LRP6: variants seen among roughly 807,000 people sequenced by gnomAD.
LRP6 encodes the protein LDL receptor related protein 6.
In LRP6, 43 loss-of-function variants were observed where a neutral mutation model predicts 184.1. That is an observed-to-expected ratio of 0.23 (90% CI 0.18 to 0.30). The LOEUF is 0.30. LRP6 is among the 10% of genes least tolerant of loss of function. The probability of loss-of-function intolerance (pLI) is 1.00; values close to 1 mark genes in which losing one functional copy is unlikely to be tolerated. For missense variants in LRP6, 1,571 were observed against 2,005.3 expected, an observed-to-expected ratio of 0.78 and a Z score of 4.14; for synonymous variants, 719 against 684.9, an observed-to-expected ratio of 1.05 and a Z score of -0.78.
chr12:12,198,814 G>GT (rs933810577), intron 3 of LRP6, among the ~76,000 whole-genome samples: 2 of 151,930 alleles, frequency 1.3e-5, no homozygotes, highest in Non-Finnish European at 2.9e-5. Flanking sequence ...GATTATAGGC[G>GT]TGAGTCATTT....
intron 12 of LRP6, among the ~76,000 whole-genome samples, chr12:12,157,159 G>GT (rs1313168723): frequency 6.6e-6 from 1 of 152,116 alleles, no homozygotes; most frequent in African/African-American, 2.4e-5. Flanking sequence ...CCCAAAATTT[G>GT]TATCTTCAAC....
At chr12:12,134,532 T>C (rs1362145365) in intron 17 of LRP6, among the ~76,000 whole-genome samples, 6 of 152,208 alleles carry the variant, frequency 3.9e-5, no homozygotes, top group Admixed American at 3.9e-4. Flanking sequence ...AAACCAATTT[T>C]ACTACAACAG....
intron 7 of LRP6, among the ~76,000 whole-genome samples, chr12:12,169,728 C>T (rs908126203): frequency 1.3e-5 from 2 of 152,188 alleles, no homozygotes; most frequent in African/African-American, 4.8e-5. Flanking sequence ...CCAACCATTC[C>T]TTGTTCTCTC....
Position 12,150,823 on chromosome 12 carries a change from A to G in LRP6, c.2994+13T>C. On this transcript the variant is annotated intron_variant, in intron 13 of 22. Transcript: ENST00000261349. ...GTCAGGAGAAATGAATTTTGAACCAAGCTCTCAATTACCTGGCTGCCATCT... is the reference window on the plus strand; with the variant it reads ...GTCAGGAGAAATGAATTTTGAACCAGGCTCTCAATTACCTGGCTGCCATCT... The G allele has an allele frequency of 1.9e-6, 3 of 1,612,890 alleles. No individual in the cohort carries two copies. The highest frequency in any genetic ancestry group is 2.5e-6 in the Non-Finnish European group (3 of 1,179,926).
intron 3 of LRP6, 43 bp downstream of exon 3, chr12:12,203,160 A>G: frequency 6.3e-6 from 9 of 1,420,140 alleles, no homozygotes; most frequent in Non-Finnish European, 8.7e-6. Flanking sequence ...TCAAGGCTTC[A>G]TCGAGTTTTC....
chr12:12,205,386 A>G (rs1481727040), intron 2 of LRP6, among the ~76,000 whole-genome samples: 1 of 151,030 alleles, frequency 6.6e-6, no homozygotes, highest in Admixed American at 6.6e-5. Flanking sequence ...GAAACAGATC[A>G]GGCACTTAAT....
At chr12:12,132,918 T>G (rs948799570) in intron 17 of LRP6, among the ~76,000 whole-genome samples, 1 of 152,184 alleles carries the variant, frequency 6.6e-6, no homozygotes, top group African/African-American at 2.4e-5. Context: ...TATACAGTAG[T>G]TATTTACACT....
At position 12,217,680 on chromosome 12, in the gene LRP6, G is replaced by C. The variant is rs138506355; in HGVS notation, c.450-14280C>G. Among the ~76,000 whole-genome samples the C allele has an allele frequency of 1.4e-3, 208 of 152,062 alleles. 4 individuals carry two copies. The highest frequency in any genetic ancestry group is 4.8e-3 in the African/African-American group (199 of 41,472). ...TCAAGACAGTGTGATACTAGCATAA[G>C]GACAGACATCTAGATAAATTTAAAA... On this transcript the variant is annotated intron_variant, in intron 2 of 22. Coordinates refer to ENST00000261349, the MANE Select transcript of LRP6 (RefSeq NM_002336.3).
intron 1 of LRP6, among the ~76,000 whole-genome samples, chr12:12,249,980 T>C (rs1003502607): frequency 6.6e-6 from 1 of 152,242 alleles, no homozygotes; most frequent in Admixed American, 6.5e-5. Flanking sequence ...TGACAATTAC[T>C]GTCTTGTTGA....
chr12:12,266,378 A>T (rs891396602), intron 1 of LRP6, among the ~76,000 whole-genome samples: 4 of 152,150 alleles, frequency 2.6e-5, no homozygotes, highest in Non-Finnish European at 5.9e-5. Context: ...AGAGAGAGGC[A>T]CACAGACACT....
intron 2 of LRP6, among the ~76,000 whole-genome samples, chr12:12,234,779 C>A (rs1201667422): frequency 6.6e-6 from 1 of 150,388 alleles, no homozygotes; most frequent in Non-Finnish European, 1.5e-5. Flanking sequence ...TGCAATGAGC[C>A]AAGATGGTGC....
At chr12:12,155,807 TAAAAA>T in intron 12 of LRP6, 1 of 627,002 alleles carries the variant, frequency 1.6e-6, no homozygotes, top group African/African-American at 1.9e-5. Flanking sequence ...TCTGGACTGT[TAAAAA>T]AAAAAAAAAG....
intron 2 of LRP6, among the ~76,000 whole-genome samples, chr12:12,204,040 T>C (rs909645496): frequency 6.6e-6 from 1 of 152,148 alleles, no homozygotes; most frequent in African/African-American, 2.4e-5. Flanking sequence ...ACCCAGTGGA[T>C]ACCACCTTAA....
At chr12:12,167,859 A>G (rs1862929557) in intron 7 of LRP6, among the ~76,000 whole-genome samples, 1 of 152,202 alleles carries the variant, frequency 6.6e-6, no homozygotes, top group Admixed American at 6.5e-5. Context: ...ATAAAAATAC[A>G]TAAATATAAA....
At chr12:12,243,438 T>C (rs1027971955) in intron 2 of LRP6, among the ~76,000 whole-genome samples, 5 of 152,200 alleles carry the variant, frequency 3.3e-5, no homozygotes, top group African/African-American at 9.6e-5. Flanking sequence ...ATTGTGTATA[T>C]AATAAAAGGT....
intron 12 of LRP6, 114 bp downstream of exon 12, chr12:12,158,703 TTAACCAAACAAA>T: frequency 4.4e-6 from 4 of 911,480 alleles, no homozygotes; most frequent in Non-Finnish European, 7.0e-6. Flanking sequence ...CCCCTACCCT[TTAACCAAACAAA>T]TAACCCCCTC....
chr12:12,178,961 G>A (rs1018424563), intron 7 of LRP6, among the ~76,000 whole-genome samples: 2 of 152,140 alleles, frequency 1.3e-5, no homozygotes, highest in African/African-American at 4.8e-5. Context: ...TCCATTAGAT[G>A]TGTACAGTGT....
Position 12,200,416 on chromosome 12 carries a change from T to G in LRP6, c.647+2787A>C, listed in dbSNP as rs537956931. On this transcript the variant is annotated intron_variant, in intron 3 of 22. Transcript: ENST00000261349. Reference sequence around the variant, plus strand: ...ATGAATGTGTCCTCATTTTCAAGAGTAGGATCTACCCGGGGGCCCTTTTCT... The same window carrying G: ...ATGAATGTGTCCTCATTTTCAAGAGGAGGATCTACCCGGGGGCCCTTTTCT... Among the ~76,000 whole-genome samples the G allele has an allele frequency of 2.3e-3, 354 of 152,232 alleles. 1 individual carries two copies. The highest frequency in any genetic ancestry group is 8.3e-3 in the African/African-American group (343 of 41,532).
chr12:12,175,940 A>C (rs1468758352), intron 7 of LRP6, among the ~76,000 whole-genome samples: 1 of 152,002 alleles, frequency 6.6e-6, no homozygotes, highest in East Asian at 1.9e-4. Flanking sequence ...TAAACCTATA[A>C]ATTATCAACG....
Sources: allele counts gnomAD v4.1 joint callset (sites outside exome capture counted in the v4.1 genomes callset), GRCh38; gene constraint gnomAD v4.1.1; transcripts MANE v1.5; gene names NCBI Gene and HGNC (gene_info 2026-07-23, HGNC 2026-07-21).